The following FCRL1 variants were observed in gnomAD, a reference collection of about 807,000 sequenced individuals.
FCRL1 encodes Fc receptor like 1, also known as Fc receptor-like protein 1.
A neutral mutation model predicts 49.2 loss-of-function variants in FCRL1; 34 were observed. That is an observed-to-expected ratio of 0.69 (90% CI 0.53 to 0.92). FCRL1 has a LOEUF of 0.92. Among genes scored for constraint, FCRL1 ranks in the 40% least tolerant of loss-of-function variants. The pLI is 0.00. For synonymous variants in FCRL1, 218 were observed against 201.6 expected (o/e 1.08, Z -0.69); for missense variants, 524 against 524.1 (o/e 1.00, Z 0.00).
intron 3 of FCRL1, 37 bp downstream of exon 3, chr1:157,803,807 TC>T: frequency 6.2e-7 from 1 of 1,601,258 alleles, no homozygotes; most frequent in South Asian, 1.1e-5. Context: ...ACTGCCCTTC[TC>T]AGCCTATCCT....
At chr1:157,800,540 A>C (rs1486112492) in intron 6 of FCRL1, among the ~76,000 whole-genome samples, 1 of 152,346 alleles carries the variant, frequency 6.6e-6, no homozygotes, top group African/African-American at 2.4e-5. Flanking sequence ...CAACTTCCTC[A>C]GTGAAGAGAA....
chr1:157,799,374 T>C (rs1268567075), intron 7 of FCRL1, among the ~76,000 whole-genome samples: 2 of 152,218 alleles, frequency 1.3e-5, no homozygotes, highest in African/African-American at 2.4e-5. Context: ...CCCATGAGCA[T>C]GGAATGTTCT....
At chr1:157,805,081 G>A (rs1293813229) in intron 2 of FCRL1, among the ~76,000 whole-genome samples, 1 of 152,066 alleles carries the variant, frequency 6.6e-6, no homozygotes, top group African/African-American at 2.4e-5. Flanking sequence ...GGCTAGTCTT[G>A]AACTCCTGGG....
At position 157,802,534 on chromosome 1, in the gene FCRL1, C is replaced by A. The variant is rs763541798; in HGVS notation, c.450G>T (p.Gly150=). The A allele has an allele frequency of 6.2e-7, 1 of 1,614,186 alleles. No individual in the cohort carries two copies. The highest frequency in any genetic ancestry group is 8.5e-7 in the Non-Finnish European group (1 of 1,180,038). The change falls in exon 4 of 11, where the codon GGG becomes GGT. Residue 150 remains glycine, a synonymous_variant. Coordinates refer to ENST00000368176, the MANE Select transcript of FCRL1 (RefSeq NM_052938.5). ...TTGACTGAAGGTTTAAACCTACAGC[C>A]CCTTTGTACCAAAGGAAGGTGATGT... is the stretch of plus-strand genomic sequence containing the variant. ...TGDITFLWYK[G]AVGLNLQSKT... is the part of the protein sequence containing the mutation.
chr1:157,804,653 T>C (rs1653107971), intron 2 of FCRL1, among the ~76,000 whole-genome samples: 1 of 152,128 alleles, frequency 6.6e-6, no homozygotes, highest in Non-Finnish European at 1.5e-5. Context: ...CCCAATCCCC[T>C]CATTGCTGAC....
chr1:157,808,695 G>C (rs952533307), intron 1 of FCRL1, among the ~76,000 whole-genome samples: 3 of 152,224 alleles, frequency 2.0e-5, no homozygotes, highest in African/African-American at 7.2e-5. Flanking sequence ...GAGGAAAGCA[G>C]TATAGAAGTG....
chr1:157,809,032 G>A (rs576791626), intron 1 of FCRL1, among the ~76,000 whole-genome samples: 1 of 152,280 alleles, frequency 6.6e-6, no homozygotes, highest in South Asian at 2.1e-4. Flanking sequence ...AGTTTAAGAT[G>A]CCTGTTAAAC....
rs564033528 is a variant in FCRL1, at chr1:157,815,331, A to G, written c.31+4676T>C. On this transcript the variant is annotated intron_variant, in intron 1 of 10. Transcript: ENST00000368176. ...AAACTTCACAAATACATGAAAATTGAACATCATGCTCCCAAAGAACCAATG... is the reference window on the plus strand; with the variant it reads ...AAACTTCACAAATACATGAAAATTGGACATCATGCTCCCAAAGAACCAATG... 3.3e-5 allele frequency among the ~76,000 whole-genome samples: 5 copies of G among 152,084 alleles called. No homozygotes were observed. The South Asian group carries it at 8.3e-4, about 25-fold the overall frequency.
chr1:157,796,218 C>T lies in FCRL1; in HGVS notation c.1219-48G>A, dbSNP rs1651447309. On this transcript the variant is annotated intron_variant, in intron 10 of 10. Coordinates refer to ENST00000368176, the MANE Select transcript of FCRL1 (RefSeq NM_052938.5). ...GAGCAGGGAAGACAAGCAGAACATG[C>T]CTCCACTGGTCCCCTTCCCCAGTTA... 6 of 1,470,352 alleles carry T rather than the reference C, an allele frequency of 4.1e-6. No individual in the cohort carries two copies. In the South Asian group the frequency reaches 4.5e-5, roughly 11 times the overall value. 91.1% of individuals were successfully genotyped at this position (1,470,352 alleles called of 1,614,324 possible). A position where few individuals can be genotyped will look rare whatever the true frequency, so the allele number is the denominator to read the frequency against.
In FCRL1 at chr1:157,794,489, G is replaced by T. The variant is rs1413815659; in HGVS notation, c.*1610C>A. 1 of 152,154 alleles carries T rather than the reference G, an allele frequency of 6.6e-6. No individual in the cohort carries two copies. The highest frequency in any genetic ancestry group is 1.5e-5 in the Non-Finnish European group (1 of 68,024). The allele number at this position is 152,154 out of a possible 1,614,324, so 9.4% of individuals were successfully genotyped here. A position where few individuals can be genotyped will look rare whatever the true frequency, so the allele number is the denominator to read the frequency against. ...CCCACAAACTGATTTCCCAGACGTTGTTGGTGAAGATATAAATTGATACAG... is the reference window on the plus strand; with the variant it reads ...CCCACAAACTGATTTCCCAGACGTTTTTGGTGAAGATATAAATTGATACAG... On this transcript the variant is annotated 3_prime_UTR_variant, in exon 11 of 11. Transcript: ENST00000368176.
At chr1:157,801,180 G>A (rs528458952) in intron 6 of FCRL1, among the ~76,000 whole-genome samples, 26 of 152,200 alleles carry the variant, frequency 1.7e-4, no homozygotes, top group Admixed American at 1.6e-3. Flanking sequence ...GTGAGCCACC[G>A]CCCCCGGCCA....
intron 2 of FCRL1, among the ~76,000 whole-genome samples, chr1:157,806,195 C>T (rs999145760): frequency 1.1e-4 from 17 of 152,316 alleles, no homozygotes; most frequent in African/African-American, 4.1e-4. Context: ...GGTGTTAACA[C>T]AAGTCATCAG....
At chr1:157,807,527 C>A (rs981173720) in intron 1 of FCRL1, among the ~76,000 whole-genome samples, 3 of 152,196 alleles carry the variant, frequency 2.0e-5, no homozygotes, top group African/African-American at 7.2e-5. Context: ...TTCCCACCGC[C>A]TCCTTTCAAA....
rs1002968643 is a variant in FCRL1, at chr1:157,795,194, G to A, written c.*905C>T. 5 of 151,960 alleles carry A rather than the reference G, an allele frequency of 3.3e-5. No individual in the cohort carries two copies. The highest frequency in any genetic ancestry group is 5.9e-5 in the Non-Finnish European group (4 of 67,994). 9.4% of individuals were successfully genotyped at this position (151,960 alleles called of 1,614,324 possible). On this transcript the variant is annotated 3_prime_UTR_variant, in exon 11 of 11. Transcript: ENST00000368176. ...CAAAACGGTGAAATCTTGTCTCTAC[G>A]TAAGACAAAAAATGGCCAAGTTTGG...
chr1:157,802,703 G>T, intron 3 of FCRL1, 39 bp from the exon 4 acceptor site: 1 of 1,577,220 alleles, frequency 6.3e-7, no homozygotes, highest in East Asian at 2.3e-5. Flanking sequence ...ACCCTGTGCA[G>T]GGAGAGTTTC....
intron 3 of FCRL1, among the ~76,000 whole-genome samples, chr1:157,802,924 A>G (rs1251054848): frequency 6.6e-6 from 1 of 152,154 alleles, no homozygotes; most frequent in Admixed American, 6.5e-5. Flanking sequence ...TTAATCTCTC[A>G]AACTTTCATT....
At chr1:157,818,432 CAT>C (rs1467608218) in intron 1 of FCRL1, among the ~76,000 whole-genome samples, 5 of 151,890 alleles carry the variant, frequency 3.3e-5, no homozygotes, top group Non-Finnish European at 5.9e-5. Context: ...TTATCTCACT[CAT>C]GTGGAATCTG....
Position 157,794,972 on chromosome 1 carries a change from A to G in FCRL1, c.*1127T>C, listed in dbSNP as rs1015780632. ...TACTTACATGTATGCATAAGTATAC[A>G]TACAAAAATAGAAAAATATCTAGAG... On this transcript the variant is annotated 3_prime_UTR_variant, in exon 11 of 11. Coordinates refer to ENST00000368176, the MANE Select transcript of FCRL1 (RefSeq NM_052938.5). 2 of 152,244 alleles carry G rather than the reference A, an allele frequency of 1.3e-5. No individual in the cohort carries two copies. The highest frequency in any genetic ancestry group is 1.5e-5 in the Non-Finnish European group (1 of 68,044). The allele number at this position is 152,244 out of a possible 1,614,324, so 9.4% of individuals were successfully genotyped here.
In FCRL1 at chr1:157,798,142, G is replaced by A. The variant is rs1338440112; in HGVS notation, c.1114+19C>T. 1 of 1,605,536 alleles carries A rather than the reference G, an allele frequency of 6.2e-7. No individual in the cohort carries two copies. The highest frequency in any genetic ancestry group is 8.5e-7 in the Non-Finnish European group (1 of 1,174,708). On this transcript the variant is annotated intron_variant, in intron 8 of 10. Coordinates refer to ENST00000368176, the MANE Select transcript of FCRL1 (RefSeq NM_052938.5). ...GCTTGCTGTACCATCGTTGGCCTGG[G>A]CCATTTGGGAAGGCTCACCATTTTC...
Sources: allele counts gnomAD v4.1 joint callset (sites outside exome capture counted in the v4.1 genomes callset), GRCh38; gene constraint gnomAD v4.1.1; transcripts MANE v1.5; gene names NCBI Gene and HGNC (gene_info 2026-07-23, HGNC 2026-07-21).